The following GLG1 variants were observed in gnomAD, a reference collection of about 807,000 sequenced individuals.
GLG1 encodes golgi glycoprotein 1, also known as Golgi apparatus protein 1.
In GLG1, 38 loss-of-function variants were observed where a neutral mutation model predicts 160.5. The observed-to-expected ratio is 0.24, with a 90% confidence interval of 0.18 to 0.31. The LOEUF is 0.31. Among genes scored for constraint, GLG1 ranks in the 10% least tolerant of loss-of-function variants. The pLI, the probability that GLG1 is intolerant of heterozygous loss-of-function variation, is 1.00. For missense variants in GLG1, 1,373 were observed against 1,505.2 expected (o/e 0.91, Z 1.45); for synonymous variants, 644 against 543.4 (o/e 1.19, Z -2.57).
At chr16:74,469,812 A>G (rs1429946243) in intron 16 of GLG1, 173 bp downstream of exon 16, 3 of 602,448 alleles carry the variant, frequency 5.0e-6, no homozygotes, top group Non-Finnish European at 8.9e-6. Flanking sequence ...CCATCGCCAG[A>G]TGCTCTGTCC....
rs73610553 is a variant in GLG1, at chr16:74,599,003, T to C, written c.438+7654A>G. Reference sequence around the variant, plus strand: ...TTAGGAGAAATGCACAAAAGAGAAATACAGCATTTCATCTTTTGGACTGTT... The same window carrying C: ...TTAGGAGAAATGCACAAAAGAGAAACACAGCATTTCATCTTTTGGACTGTT... On this transcript the variant is annotated intron_variant, in intron 1 of 25. Transcript: ENST00000422840. 3.9e-5 allele frequency among the ~76,000 whole-genome samples: 6 copies of C among 152,160 alleles called. No homozygotes were observed. The East Asian group carries it at 5.8e-4, about 15-fold the overall frequency.
intron 17 of GLG1, 148 bp downstream of exon 17, chr16:74,468,798 T>C (rs895346471): frequency 2.4e-5 from 15 of 638,112 alleles, no homozygotes; most frequent in Non-Finnish European, 3.8e-5. Context: ...AGGAAGCTAA[T>C]GGTCGTATGT....
At chr16:74,469,952 G>T in intron 16 of GLG1, 33 bp downstream of exon 16, 1 of 1,327,032 alleles carries the variant, frequency 7.5e-7, no homozygotes, top group Non-Finnish European at 1.1e-6. Context: ...GGAACTTCGG[G>T]AAAGTGGAAT....
At chr16:74,550,603 T>C (rs1239659221) in intron 1 of GLG1, among the ~76,000 whole-genome samples, 2 of 152,352 alleles carry the variant, frequency 1.3e-5, no homozygotes, top group South Asian at 2.1e-4. Context: ...TTAAAGAGTA[T>C]TTTTTAATTG....
chr16:74,463,696 C>G (rs1376628689), intron 19 of GLG1, among the ~76,000 whole-genome samples: 4 of 151,692 alleles, frequency 2.6e-5, no homozygotes, highest in Non-Finnish European at 5.9e-5. Context: ...GGATTACAGG[C>G]GTGCGTCACC....
chr16:74,528,707 G>A (rs1388791091), intron 2 of GLG1, among the ~76,000 whole-genome samples: 2 of 150,206 alleles, frequency 1.3e-5, no homozygotes, highest in African/African-American at 4.9e-5. Context: ...AGCTACTCAG[G>A]AGGCTGAGGC....
At chr16:74,566,017 T>C (rs1348260427) in intron 1 of GLG1, among the ~76,000 whole-genome samples, 3 of 152,230 alleles carry the variant, frequency 2.0e-5, no homozygotes. Context: ...CGTCCCTCAA[T>C]TTGGGTTTGT....
At chr16:74,467,924 T>C in intron 17 of GLG1, 76 bp from the exon 18 acceptor site, 1 of 934,884 alleles carries the variant, frequency 1.1e-6, no homozygotes, top group East Asian at 2.5e-5. Context: ...GACTTATTTG[T>C]TGACTGCATC....
intron 1 of GLG1, among the ~76,000 whole-genome samples, chr16:74,553,478 T>G (rs1183545148): frequency 2.1e-5 from 3 of 145,536 alleles, no homozygotes; most frequent in South Asian, 2.2e-4. Context: ...GGTTTTTTTT[T>G]TTTTTTTTTT....
At chr16:74,472,731 T>C in intron 13 of GLG1, 1 of 447,340 alleles carries the variant, frequency 2.2e-6, no homozygotes, top group South Asian at 1.7e-5. Flanking sequence ...TTTCCCAAAA[T>C]GCTAAGTAGT....
intron 1 of GLG1, among the ~76,000 whole-genome samples, chr16:74,548,371 T>C (rs1169619127): frequency 6.6e-6 from 1 of 152,234 alleles, no homozygotes; most frequent in Non-Finnish European, 1.5e-5. Context: ...AAATCCTTGG[T>C]TGATCACAGA....
Position 74,477,439 on chromosome 16 carries a change from A to C in GLG1, c.1922T>G (p.Ile641Ser). The C allele has an allele frequency of 6.2e-7, 1 of 1,612,884 alleles. No homozygotes were observed. Among genetic ancestry groups the C allele is most frequent in the South Asian group, 1.1e-5 (1 of 91,052 alleles). ...LDPALQDKCL[I>S]DLGKWCSEKT... ...CTCACTGCACCATTTTCCCAGATCA[A>C]TCAGGCACTTATCCTGGAGGGCAGG... is the stretch of plus-strand genomic sequence containing the variant. Residue 641 changes from isoleucine (I) to serine (S), a missense_variant, in exon 12 of 26, where the codon ATT becomes AGT. Physicochemically the swap from Ile to Ser is moderately radical, Grantham distance 142 (BLOSUM62 -2). Transcript: ENST00000422840.
intron 11 of GLG1, among the ~76,000 whole-genome samples, chr16:74,478,315 G>C (rs1174302480): frequency 6.6e-6 from 1 of 152,118 alleles, no homozygotes; most frequent in Non-Finnish European, 1.5e-5. Flanking sequence ...GGAAAATGTA[G>C]ATATAACATT....
chr16:74,466,211 T>C (rs1219051806), intron 18 of GLG1, among the ~76,000 whole-genome samples: 1 of 152,212 alleles, frequency 6.6e-6, no homozygotes, highest in African/African-American at 2.4e-5. Flanking sequence ...ATTTACCACC[T>C]GAGAAAGACT....
chr16:74,573,067 G>A (rs2018881246), intron 1 of GLG1, among the ~76,000 whole-genome samples: 1 of 152,156 alleles, frequency 6.6e-6, no homozygotes, highest in Admixed American at 6.6e-5. Context: ...GAAGTGTTGA[G>A]TGACTATATT....
intron 1 of GLG1, among the ~76,000 whole-genome samples, chr16:74,593,456 C>T (rs1224861825): frequency 3.5e-5 from 4 of 114,168 alleles, no homozygotes; most frequent in South Asian, 3.0e-4. Context: ...TTTTTGGAGA[C>T]AGAATTTCAC....
At position 74,491,034 on chromosome 16, in the gene GLG1, C is replaced by A. The variant is rs1292540457; in HGVS notation, c.1416G>T (p.Glu472Asp). The A allele has an allele frequency of 1.2e-6, 2 of 1,614,132 alleles. No homozygotes were observed. The highest frequency in any genetic ancestry group is 1.1e-5 in the South Asian group (1 of 91,076). Residue 472 changes from glutamate to aspartate, a missense_variant, in exon 8 of 26, where the codon GAG becomes GAT. Glu to Asp is a conservative substitution (Grantham distance 45). Transcript: ENST00000422840. The stretch of plus-strand genomic sequence containing the variant: ...GGCAGTTCATTCCAAGGTTCCCCTT[C>A]TCCCCTCGAACTACTTTCATCAGAC... Reference protein sequence around the residue: ...LHCLMKVVRGEKGNLGMNCQQ... With the variant: ...LHCLMKVVRGDKGNLGMNCQQ...
intron 16 of GLG1, chr16:74,469,370 G>A: frequency 2.6e-6 from 1 of 378,122 alleles, no homozygotes. Context: ...GAGGAATGCT[G>A]CTCTTAACTC....
Position 74,496,574 on chromosome 16 carries a change from T to G in GLG1, c.845A>C (p.Glu282Ala), listed in dbSNP as rs1377242577. 6.8e-6 allele frequency: 11 copies of G among 1,613,456 alleles called. No homozygotes were observed. The Middle Eastern group carries it at 4.9e-4, about 73-fold the overall frequency. The part of the protein sequence containing the change: ...KGLVKEAEER[E>A]PKIQVSELCK... Reference sequence around the variant, plus strand: ...GAGTTCAGAAACTTGAATCTTGGGTTCTCTTTCTTCTGCTTCTTTCACCAG... The same window carrying G: ...GAGTTCAGAAACTTGAATCTTGGGTGCTCTTTCTTCTGCTTCTTTCACCAG... The change falls in exon 5 of 26, where the codon GAA (glutamate) becomes GCA (alanine). Residue 282 changes from glutamate (E) to alanine (A), a missense_variant. This residue lies in a region of GLG1 where 174 missense variants were observed against 229.9 expected (regional missense o/e 0.76). Coordinates refer to ENST00000422840, the MANE Select transcript of GLG1 (RefSeq NM_001145667.2).
Sources: gnomAD v4.1 joint callset for allele counts (sites outside exome capture counted in the v4.1 genomes callset) on GRCh38, gnomAD v4.1.1 for gene constraint, gnomAD v4.1.1 regional missense constraint, MANE v1.5 for transcripts, NCBI Gene and HGNC (gene_info 2026-07-23, HGNC 2026-07-21) for gene names.